Variants in MCCC1 observed in about 807,000 individuals in gnomAD.
The protein encoded by MCCC1 is methylcrotonyl-CoA carboxylase subunit 1.
A neutral mutation model predicts 83.8 loss-of-function variants in MCCC1; 64 were observed. The observed-to-expected ratio is 0.76, with a 90% confidence interval of 0.62 to 0.94. MCCC1 has a LOEUF of 0.94. MCCC1 is among the 40% of genes least tolerant of loss of function. The pLI, the probability that MCCC1 is intolerant of heterozygous loss-of-function variation, is 0.00. For synonymous variants in MCCC1, 322 were observed against 315.4 expected, an observed-to-expected ratio of 1.02 and a Z score of -0.22; for missense variants, 807 against 904.7, an observed-to-expected ratio of 0.89 and a Z score of 1.39.
chr3:183,107,535 T>TATTATTATTA lies in MCCC1; in HGVS notation c.-102+7938_-102+7939insTAATAATAAT, dbSNP rs1553872789. ...TTATTATTATTATTATTATTATTAT[T>TATTATTATTA]TGTTGTTGTTGTTGTTGTTGTTGTT... On this transcript the variant is annotated intron_variant, in intron 1 of 17. Coordinates refer to the MCCC1 transcript ENST00000492597. Among the ~76,000 whole-genome samples the TATTATTATTA allele has an allele frequency of 3.7e-3, 553 of 149,290 alleles. 3 individuals are homozygous for TATTATTATTA. Among genetic ancestry groups the TATTATTATTA allele is most frequent in the African/African-American group, 0.013 (523 of 40,610 alleles).
upstream of MCCC1, among the ~76,000 whole-genome samples, chr3:183,103,629 C>T (rs1311887668): frequency 1.3e-5 from 2 of 152,322 alleles, no homozygotes; most frequent in East Asian, 1.9e-4. Flanking sequence ...AATCCCTGAG[C>T]TAGACGTAAA....
chr3:183,037,926 G>A (rs1713761494), intron 12 of MCCC1, among the ~76,000 whole-genome samples: 2 of 152,008 alleles, frequency 1.3e-5, no homozygotes, highest in African/African-American at 2.4e-5. Flanking sequence ...TTTATATACC[G>A]ATACAAAAAT....
chr3:183,075,706 A>G (rs1717021618), intron 4 of MCCC1, among the ~76,000 whole-genome samples: 1 of 151,904 alleles, frequency 6.6e-6, no homozygotes, highest in South Asian at 2.1e-4. Flanking sequence ...ACGCCCTGCT[A>G]ATCTTTTTGT....
intron 18 of MCCC1, 124 bp from the exon 19 acceptor site, chr3:183,015,690 C>T (rs946414308): frequency 7.8e-6 from 9 of 1,146,570 alleles, no homozygotes; most frequent in South Asian, 6.2e-5. Flanking sequence ...TGTCATCTCT[C>T]GGTGCTTTCC....
intron 4 of MCCC1, among the ~76,000 whole-genome samples, chr3:183,074,671 A>T (rs1223314169): frequency 6.6e-6 from 1 of 152,214 alleles, no homozygotes; most frequent in African/African-American, 2.4e-5. Context: ...CTGGATACTC[A>T]TATGTTGCAG....
intron 4 of MCCC1, among the ~76,000 whole-genome samples, chr3:183,081,808 G>T (rs933925892): frequency 4.6e-5 from 7 of 152,196 alleles, no homozygotes; most frequent in Non-Finnish European, 8.8e-5. Flanking sequence ...GCTTGACATG[G>T]TGGGAGCACT....
chr3:183,051,833 C>T (rs1715003529), intron 9 of MCCC1, among the ~76,000 whole-genome samples: 1 of 151,854 alleles, frequency 6.6e-6, no homozygotes, highest in Admixed American at 6.6e-5. Flanking sequence ...TTGCTGTAAG[C>T]TTAAAACTGC....
chr3:183,062,553 C>T (rs891621128), intron 7 of MCCC1, among the ~76,000 whole-genome samples: 2 of 152,082 alleles, frequency 1.3e-5, no homozygotes, highest in Non-Finnish European at 2.9e-5. Context: ...CAGGGTTTCA[C>T]CGTGTTGCCC....
intron 13 of MCCC1, among the ~76,000 whole-genome samples, chr3:183,034,466 A>AC (rs1025005120): frequency 5.3e-5 from 8 of 150,950 alleles, no homozygotes; most frequent in South Asian, 2.1e-4. Context: ...AAAAAAAAAA[A>AC]AAACAAAAAA....
intron 15 of MCCC1, 135 bp from the exon 16 acceptor site, chr3:183,022,689 T>C: frequency 1.3e-6 from 1 of 796,982 alleles, no homozygotes; most frequent in Admixed American, 3.0e-5. Context: ...ATATATTTTT[T>C]AAAAAGTCAT....
At chr3:183,032,403 A>G (rs189057661) in intron 14 of MCCC1, among the ~76,000 whole-genome samples, 2 of 152,344 alleles carry the variant, frequency 1.3e-5, no homozygotes, top group African/African-American at 4.8e-5. Context: ...ATTTTTTAGG[A>G]TGAAATGAGC....
rs112307657 is a variant in MCCC1 at position 183,025,804 on chromosome 3, T to C, written c.1682A>G (p.Asn561Ser). Residue 561 changes from asparagine (N) to serine (S), a missense_variant and splice_region_variant, in exon 15 of 19, where the codon AAT (asparagine) becomes AGT (serine). Transcript: ENST00000265594. ...RNMTLKDGKN[N>S]VAIAVTYNHD... ...GTTATACGTTACAGCTATGGCTACA[T>C]CTTTATGGAAAAAGGGAAAAAATGA... 9 of 1,612,814 alleles carry C rather than the reference T, an allele frequency of 5.6e-6. No individual in the cohort carries two copies. The highest frequency in any genetic ancestry group is 1.3e-5 in the African/African-American group (1 of 74,994).
At position 183,058,223 on chromosome 3, in the gene MCCC1, A is replaced by G. The variant is rs147614539; in HGVS notation, c.762-801T>C. ...TACAGTTAGATTTTATGAATATAGA[A>G]GACTGAAATTAAAATGGCTCATCCA... On this transcript the variant is annotated intron_variant, in intron 7 of 18. Coordinates refer to ENST00000265594, the MANE Select transcript of MCCC1 (RefSeq NM_020166.5). Among the ~76,000 whole-genome samples the G allele has an allele frequency of 4.5e-3, 679 of 152,342 alleles. 3 individuals are homozygous for G. The highest frequency in any genetic ancestry group is 0.016 in the African/African-American group (649 of 41,578).
intron 1 of MCCC1, among the ~76,000 whole-genome samples, chr3:183,107,792 C>T (rs1000159824): frequency 1.2e-4 from 19 of 152,088 alleles, no homozygotes; most frequent in Admixed American, 6.6e-5. Flanking sequence ...TCAAGTGATC[C>T]GCCCGCCTCA....
At chr3:183,026,344 G>C (rs1389950072) in intron 14 of MCCC1, among the ~76,000 whole-genome samples, 2 of 152,156 alleles carry the variant, frequency 1.3e-5, no homozygotes, top group Admixed American at 6.5e-5. Context: ...ATCCAGGCTT[G>C]AGTTTTAGAT....
intron 1 of MCCC1, among the ~76,000 whole-genome samples, chr3:183,107,706 C>T (rs1444167588): frequency 1.7e-5 from 2 of 117,714 alleles, no homozygotes; most frequent in Non-Finnish European, 4.0e-5. Context: ...CCACGCCTGG[C>T]TAGTTTTCTT....
intron 4 of MCCC1, among the ~76,000 whole-genome samples, chr3:183,073,528 T>C (rs982677302): frequency 6.6e-6 from 1 of 152,240 alleles, no homozygotes; most frequent in African/African-American, 2.4e-5. Flanking sequence ...AAACTATGAA[T>C]ACTACAGAAC....
At chr3:183,108,283 T>C (rs765168821) in intron 1 of MCCC1, among the ~76,000 whole-genome samples, 1 of 152,178 alleles carries the variant, frequency 6.6e-6, no homozygotes, top group African/African-American at 2.4e-5. Context: ...TATTTCCTCA[T>C]GATTAGATTT....
intron 18 of MCCC1, among the ~76,000 whole-genome samples, chr3:183,016,076 G>A (rs893667397): frequency 5.3e-5 from 8 of 151,456 alleles, no homozygotes; most frequent in African/African-American, 1.7e-4. Context: ...CTACAGGTGT[G>A]TGCCACCACA....
Sources: allele counts gnomAD v4.1 joint callset (sites outside exome capture counted in the v4.1 genomes callset), GRCh38; gene constraint gnomAD v4.1.1; transcripts MANE v1.5; gene names NCBI Gene and HGNC (gene_info 2026-07-23, HGNC 2026-07-21).